ANKRD52: variants seen among roughly 807,000 people sequenced by gnomAD.
ANKRD52 encodes serine/threonine-protein phosphatase 6 regulatory ankyrin repeat subunit C.
ANKRD52 carries 7 observed loss-of-function variants against 116.0 expected under a neutral mutation model. The observed-to-expected ratio is 0.06, with a 90% CI of 0.03 to 0.11. The LOEUF (loss-of-function observed/expected upper bound fraction) is 0.11. Among genes scored for constraint, ANKRD52 ranks in the 10% least tolerant of loss-of-function variants. The probability of loss-of-function intolerance (pLI) is 1.00; values close to 1 mark genes in which losing one functional copy is unlikely to be tolerated. For synonymous variants in ANKRD52, 528 were observed against 578.1 expected, an observed-to-expected ratio of 0.91 and a Z score of 1.24; for missense variants, 839 against 1,408.6, an observed-to-expected ratio of 0.60 and a Z score of 6.47.
At position 56,244,623 on chromosome 12, in the gene ANKRD52, C is replaced by G; in HGVS notation, c.2722+29G>C. The stretch of plus-strand genomic sequence containing the variant: ...ATCCTGCAAATGCCCCAGGGGAGCT[C>G]CTCCCTTCCACAAGTGGCCCCTACA... On this transcript the variant is annotated intron_variant, in intron 24 of 27. Coordinates refer to ENST00000267116, the MANE Select transcript of ANKRD52 (RefSeq NM_173595.4). This position sits in a 1 kb window ranked among gnomAD's most constrained non-coding sequence, Gnocchi z 4.9. 1 of 1,612,400 alleles carries G rather than the reference C, an allele frequency of 6.2e-7. No individual in the cohort carries two copies. The highest frequency in any genetic ancestry group is 8.5e-7 in the Non-Finnish European group (1 of 1,179,388).
At chr12:56,247,810 G>A in intron 18 of ANKRD52, 36 bp from the exon 19 acceptor site, 1 of 1,590,832 alleles carries the variant, frequency 6.3e-7, no homozygotes, top group Non-Finnish European at 8.6e-7. Context: ...GGCAGGGCCA[G>A]GAGGAAGAAG....
Position 56,244,301 on chromosome 12 carries a change from C to G in ANKRD52, c.2805+52G>C, listed in dbSNP as rs1409360234. On this transcript the variant is annotated intron_variant, in intron 25 of 27. Transcript: ENST00000267116. The surrounding 1 kb of genome is among the most constrained non-coding windows in gnomAD (Gnocchi z 4.9). ...CCCTCTGCAACCGAGACTTACCTCTCTTCATCAAGCTCTGCCCCTTATGCA... is the reference window on the plus strand; with the variant it reads ...CCCTCTGCAACCGAGACTTACCTCTGTTCATCAAGCTCTGCCCCTTATGCA... 1.9e-6 allele frequency: 3 copies of G among 1,594,742 alleles called. No homozygotes were observed. The highest frequency in any genetic ancestry group is 1.3e-5 in the African/African-American group (1 of 74,516).
In ANKRD52 at chr12:56,248,050, G is replaced by A. The variant is rs781048841; in HGVS notation, c.1951C>T (p.Arg651Cys). ...GASALIKERK[R>C]KWTPLHAAAA... ...GCAGCGTGCAGGGGTGTCCACTTGC[G>A]CTTGCGCTCCTTGATGAGGGCAGAG... is the stretch of plus-strand genomic sequence containing the variant. Residue 651 changes from arginine to cysteine, a missense_variant, in exon 18 of 28, where the codon CGC (arginine) becomes TGC (cysteine). Physicochemically the swap from Arg to Cys is radical, Grantham distance 180. Around this residue, in one of 2 missense-constraint regions of ANKRD52, gnomAD observed 552 missense variants for 810.6 expected, o/e 0.68. Transcript: ENST00000267116. This position sits in a 1 kb window ranked among gnomAD's most constrained non-coding sequence, Gnocchi z 5.1. The A allele has an allele frequency of 1.1e-5, 17 of 1,607,898 alleles. No homozygotes were observed. Among genetic ancestry groups the A allele is most frequent in the Middle Eastern group, 3.3e-4 (2 of 6,080 alleles).
intron 20 of ANKRD52, 135 bp from the exon 21 acceptor site, chr12:56,245,731 T>TC: frequency 2.7e-6 from 2 of 729,792 alleles, no homozygotes; most frequent in South Asian, 4.2e-5. Flanking sequence ...TTTTTTTTTT[T>TC]GGAGTCGGAG....
At position 56,244,176 on chromosome 12, in the gene ANKRD52, T is replaced by C; in HGVS notation, c.2806-43A>G. 1.2e-6 allele frequency: 2 copies of C among 1,604,586 alleles called. No individual in the cohort carries two copies. Among genetic ancestry groups the C allele is most frequent in the Non-Finnish European group, 8.5e-7 (1 of 1,171,476 alleles). The stretch of plus-strand genomic sequence containing the variant: ...AGAGTGGAGACTTGTGAAGTAGAAA[T>C]GTGGCAGGGTGCAGGGCAGGAGTTG... On this transcript the variant is annotated intron_variant, in intron 25 of 27. Coordinates refer to ENST00000267116, the MANE Select transcript of ANKRD52 (RefSeq NM_173595.4). The surrounding 1 kb of genome is among the most constrained non-coding windows in gnomAD (Gnocchi z 4.9).
At chr12:56,245,711 T>C in intron 20 of ANKRD52, 115 bp from the exon 21 acceptor site, 14 of 412,944 alleles carry the variant, frequency 3.4e-5, no homozygotes, top group South Asian at 6.9e-5. Flanking sequence ...TCCTTGTCTT[T>C]TTTTTTTTTT....
Position 56,255,112 on chromosome 12 carries a change from C to T in ANKRD52, c.463-160G>A, listed in dbSNP as rs1268904603. On this transcript the variant is annotated intron_variant, in intron 5 of 27. Transcript: ENST00000267116. The surrounding 1 kb of genome is among the most constrained non-coding windows in gnomAD (Gnocchi z 4.3). ...CTCGAGGGAACAGCAGAAGCAGGCA[C>T]TAAGGAGGAGATACTGGAGAGATTT... 6 of 602,942 alleles carry T rather than the reference C, an allele frequency of 1.0e-5. No individual in the cohort carries two copies. In the East Asian group the frequency reaches 1.7e-4, roughly 17 times the overall value. The allele number at this position is 602,942 out of a possible 1,614,324, so 37.3% of individuals were successfully genotyped here.
Position 56,240,928 on chromosome 12 carries a change from T to C in ANKRD52, c.*2214A>G, listed in dbSNP as rs1871141322. On this transcript the variant is annotated 3_prime_UTR_variant, in exon 28 of 28. Coordinates refer to ENST00000267116, the MANE Select transcript of ANKRD52 (RefSeq NM_173595.4). This position sits in a 1 kb window ranked among gnomAD's most constrained non-coding sequence, Gnocchi z 4.2. ...GAGAACACGACTCACACCCGGCAAGTTCTCTCTGGAGGACCCATCTTCTCA... is the reference window on the plus strand; with the variant it reads ...GAGAACACGACTCACACCCGGCAAGCTCTCTCTGGAGGACCCATCTTCTCA... 6.6e-6 allele frequency: 1 copy of C among 152,140 alleles called. No individual in the cohort carries two copies. Among genetic ancestry groups the C allele is most frequent in the African/African-American group, 2.4e-5 (1 of 41,412 alleles). 9.4% of individuals were successfully genotyped at this position (152,140 alleles called of 1,614,324 possible).
At chr12:56,247,346 CAAAAAAA>C (rs1007977970) in intron 20 of ANKRD52, 140 bp downstream of exon 20, 31 of 490,236 alleles carry the variant, frequency 6.3e-5, no homozygotes, top group South Asian at 4.6e-4. Context: ...GACCCTGTCT[CAAAAAAA>C]AAAAAAAAAA....
intron 15 of ANKRD52, among the ~76,000 whole-genome samples, chr12:56,250,037 CAAAA>C (rs748232646): frequency 4.7e-5 from 7 of 150,518 alleles, no homozygotes; most frequent in Non-Finnish European, 1.0e-4. Context: ...ACTCGGTCTT[CAAAA>C]AAACAATTAG....
Position 56,242,412 on chromosome 12 carries a change from G to GT in ANKRD52, c.*729dup. On this transcript the variant is annotated 3_prime_UTR_variant, in exon 28 of 28. Coordinates refer to ENST00000267116, the MANE Select transcript of ANKRD52 (RefSeq NM_173595.4). The surrounding 1 kb of genome is among the most constrained non-coding windows in gnomAD (Gnocchi z 4.3). ...TGCGTGGTTAGGGGCCAGGCTAGGA[G>GT]TGGGAGGGAATGGGGAGGGGGCAGG... 1 of 367,182 alleles carries GT rather than the reference G, an allele frequency of 2.7e-6. No individual in the cohort carries two copies. The highest frequency in any genetic ancestry group is 2.1e-5 in the African/African-American group (1 of 48,194). The allele number at this position is 367,182 out of a possible 1,614,324, so 22.7% of individuals were successfully genotyped here. A position where few individuals can be genotyped will look rare whatever the true frequency, so the allele number is the denominator to read the frequency against.
chr12:56,242,403 A>T lies in ANKRD52; in HGVS notation c.*739T>A. The T allele has an allele frequency of 2.1e-5, 7 of 335,704 alleles. No homozygotes were observed. The highest frequency in any genetic ancestry group is 2.1e-5 in the Non-Finnish European group (4 of 186,194). 20.8% of individuals were successfully genotyped at this position (335,704 alleles called of 1,614,324 possible). ...AGGTTAAAGTGCGTGGTTAGGGGCC[A>T]GGCTAGGAGTGGGAGGGAATGGGGA... On this transcript the variant is annotated 3_prime_UTR_variant, in exon 28 of 28. Transcript: ENST00000267116. The surrounding 1 kb of genome is among the most constrained non-coding windows in gnomAD (Gnocchi z 4.3).
chr12:56,246,973 T>TAAA lies in ANKRD52; in HGVS notation c.2184+517_2184+519dup, dbSNP rs1555158354. The stretch of plus-strand genomic sequence containing the variant: ...ATAATAATAATAATAATAATAATAA[T>TAAA]AAACAAAGCACAGATATCAGGGAAA... On this transcript the variant is annotated intron_variant, in intron 20 of 27. Coordinates refer to ENST00000267116, the MANE Select transcript of ANKRD52 (RefSeq NM_173595.4). Among the ~76,000 whole-genome samples, 92 of 122,962 alleles carry TAAA rather than the reference T, an allele frequency of 7.5e-4. No individual in the cohort carries two copies. In the East Asian group the frequency reaches 7.5e-3, roughly 10 times the overall value. The allele number at this position is 122,962 out of a possible 152,430, so 80.7% of individuals were successfully genotyped here.
chr12:56,253,933 C>T lies in ANKRD52; in HGVS notation c.907-133G>A. 1 of 1,328,960 alleles carries T rather than the reference C, an allele frequency of 7.5e-7. No homozygotes were observed. Among genetic ancestry groups the T allele is most frequent in the Non-Finnish European group, 1.1e-6 (1 of 952,034 alleles). The allele number at this position is 1,328,960 out of a possible 1,614,324, so 82.3% of individuals were successfully genotyped here. A position where few individuals can be genotyped will look rare whatever the true frequency, so the allele number is the denominator to read the frequency against. ...ATGGCACCTTCTTAGCCCACTCTTT[C>T]CTGAGTCCCTGGCAAGGTCTGATTA... On this transcript the variant is annotated intron_variant, in intron 8 of 27. Coordinates refer to ENST00000267116, the MANE Select transcript of ANKRD52 (RefSeq NM_173595.4). The surrounding 1 kb of genome is among the most constrained non-coding windows in gnomAD (Gnocchi z 5.5).
At chr12:56,256,117 T>C (rs1464631344) in intron 4 of ANKRD52, 133 bp from the exon 5 acceptor site, 1 of 877,728 alleles carries the variant, frequency 1.1e-6, no homozygotes, top group African/African-American at 1.7e-5. Context: ...TTTTCCAACA[T>C]ACCTAGCCTC....
In ANKRD52 at chr12:56,242,009, C is replaced by T. The variant is rs958511292; in HGVS notation, c.*1133G>A. ...GGGAAGCCTGGGTCCCGAGTAGCCACGGTCCCTTGTCGGCCCTGCCCCTCC... is the reference window on the plus strand; with the variant it reads ...GGGAAGCCTGGGTCCCGAGTAGCCATGGTCCCTTGTCGGCCCTGCCCCTCC... On this transcript the variant is annotated 3_prime_UTR_variant, in exon 28 of 28. Coordinates refer to ENST00000267116, the MANE Select transcript of ANKRD52 (RefSeq NM_173595.4). This position sits in a 1 kb window ranked among gnomAD's most constrained non-coding sequence, Gnocchi z 4.3. 11 of 398,488 alleles carry T rather than the reference C, an allele frequency of 2.8e-5. No homozygotes were observed. Among genetic ancestry groups the T allele is most frequent in the South Asian group, 1.3e-4 (1 of 7,866 alleles). The allele number at this position is 398,488 out of a possible 1,614,324, so 24.7% of individuals were successfully genotyped here. A position where few individuals can be genotyped will look rare whatever the true frequency, so the allele number is the denominator to read the frequency against.
In ANKRD52 at chr12:56,257,021, T is replaced by C; in HGVS notation, c.255A>G (p.Arg85=). Residue 85 remains arginine (R), a synonymous_variant, in exon 4 of 28, where the codon CGA becomes CGG. Coordinates refer to ENST00000267116, the MANE Select transcript of ANKRD52 (RefSeq NM_173595.4). ...AGAAGGTGGGGGTGCATACCTCGTT[T>C]CGGGAGGCAGCAGCACGATGAAGAG... The part of the protein sequence containing the change: ...LTPLHRAAAS[R]NEKVLGLLLA... 1 of 1,613,212 alleles carries C rather than the reference T, an allele frequency of 6.2e-7. No homozygotes were observed. The highest frequency in any genetic ancestry group is 2.2e-5 in the East Asian group (1 of 44,892).
chr12:56,246,631 A>G (rs1388079931), intron 20 of ANKRD52, among the ~76,000 whole-genome samples: 1 of 152,042 alleles, frequency 6.6e-6, no homozygotes, highest in African/African-American at 2.4e-5. Context: ...ATTACAAAGC[A>G]CAGATATTGG....
At chr12:56,251,896 G>A in intron 15 of ANKRD52, 119 bp downstream of exon 15, 17 of 1,114,116 alleles carry the variant, frequency 1.5e-5, no homozygotes, top group Non-Finnish European at 2.1e-5. Flanking sequence ...CACACTGCTG[G>A]CTGACCGGCA....
Sources: gnomAD v4.1 joint callset for allele counts (sites outside exome capture counted in the v4.1 genomes callset) on GRCh38, gnomAD v4.1.1 for gene constraint, gnomAD v4.1.1 regional missense constraint, Gnocchi (gnomAD v3.1) non-coding constraint, MANE v1.5 for transcripts, NCBI Gene and HGNC (gene_info 2026-07-23, HGNC 2026-07-21) for gene names.